The following SMARCA2 variants were observed in gnomAD, a reference collection of about 807,000 sequenced individuals.
SMARCA2 encodes SWI/SNF related BAF chromatin remodeling complex subunit ATPase 2.
In SMARCA2, 61 loss-of-function variants were observed where a neutral mutation model predicts 199.8. The ratio of observed to expected loss-of-function variants is 0.31; its 90% CI spans 0.25 to 0.38. The LOEUF (loss-of-function observed/expected upper bound fraction) is 0.38, where lower values mean the gene tolerates loss of function less well. Among genes scored for constraint, SMARCA2 ranks in the 10% least tolerant of loss-of-function variants. The pLI is 1.00. For missense variants in SMARCA2, 1,344 were observed against 2,012.2 expected, an observed-to-expected ratio of 0.67 and a Z score of 6.35; for synonymous variants, 935 against 732.0, an observed-to-expected ratio of 1.28 and a Z score of -4.48.
Position 2,187,965 on chromosome 9 carries a change from G to T in SMARCA2, c.4594+1737G>T, listed in dbSNP as rs574803982. Among the ~76,000 whole-genome samples the T allele has an allele frequency of 3.3e-5, 5 of 151,580 alleles. No homozygotes were observed. In the South Asian group the frequency reaches 1.0e-3, roughly 32 times the overall value. On this transcript the variant is annotated intron_variant, in intron 32 of 33. Coordinates refer to ENST00000349721, the MANE Select transcript of SMARCA2 (RefSeq NM_003070.5). ...TGTTTTTATAAACAAATTTATGTGTGGAAAAAAAGGTAACGTCTCAAAATA... is the reference window on the plus strand; with the variant it reads ...TGTTTTTATAAACAAATTTATGTGTTGAAAAAAAGGTAACGTCTCAAAATA...
At chr9:2,181,725 G>C in intron 30 of SMARCA2, 49 bp downstream of exon 30, 3 of 988,428 alleles carry the variant, frequency 3.0e-6, no homozygotes, top group Non-Finnish European at 4.9e-6. Flanking sequence ...TAAAGGAGCA[G>C]TGTAAAGTCA....
In SMARCA2 at chr9:2,041,448, C is replaced by A. The variant is rs139873240; in HGVS notation, c.790+1548C>A. ...CTGTGTCCTCACATGGCAGAAGAGA[C>A]AAGGCAGCTCTCTGGAGCCTCTTTT... On this transcript the variant is annotated intron_variant, in intron 4 of 33. Transcript: ENST00000349721. The A allele has an allele frequency of 2.4e-4, 96 of 398,550 alleles. 1 individual carries two copies. The East Asian group carries it at 3.3e-3, about 14-fold the overall frequency. The allele number at this position is 398,550 out of a possible 1,614,324, so 24.7% of individuals were successfully genotyped here.
intron 28 of SMARCA2, among the ~76,000 whole-genome samples, chr9:2,164,821 C>T (rs1031912458): frequency 2.0e-5 from 3 of 152,146 alleles, no homozygotes; most frequent in African/African-American, 7.2e-5. Flanking sequence ...TAAAAAGTGT[C>T]CTGGTAAGAC....
chr9:2,164,713 A>T (rs1225603313), intron 28 of SMARCA2, among the ~76,000 whole-genome samples: 2 of 152,186 alleles, frequency 1.3e-5, no homozygotes, highest in Non-Finnish European at 1.5e-5. Context: ...CTTTAGTTGT[A>T]CTGTAGGTAA....
At chr9:2,030,197 T>C (rs1819001741) in intron 2 of SMARCA2, among the ~76,000 whole-genome samples, 1 of 152,118 alleles carries the variant, frequency 6.6e-6, no homozygotes, top group African/African-American at 2.4e-5. Context: ...GAGATAGAGA[T>C]ATATGTAAAA....
chr9:2,018,751 A>T (rs1818472105), intron 1 of SMARCA2, among the ~76,000 whole-genome samples: 1 of 152,250 alleles, frequency 6.6e-6, no homozygotes, highest in African/African-American at 2.4e-5. Flanking sequence ...GAACCCTAAT[A>T]ATAATTTAAA....
intron 8 of SMARCA2, 39 bp downstream of exon 8, chr9:2,058,503 C>G: frequency 1.3e-6 from 2 of 1,559,210 alleles, no homozygotes; most frequent in South Asian, 2.2e-5. Context: ...AACTACTCAA[C>G]CCACGTCCGT....
At chr9:2,125,999 A>G (rs1421906354) in intron 27 of SMARCA2, among the ~76,000 whole-genome samples, 1 of 152,200 alleles carries the variant, frequency 6.6e-6, no homozygotes, top group Admixed American at 6.5e-5. Flanking sequence ...TTCAGTTTCT[A>G]TCCCTGATGA....
intron 4 of SMARCA2, chr9:2,041,727 C>G (rs910916344): frequency 3.8e-6 from 1 of 262,864 alleles, no homozygotes; most frequent in African/African-American, 2.2e-5. Flanking sequence ...GATTTGGGAA[C>G]AGGAAAGGTT....
chr9:2,186,472 GGCT>G (rs1393214851), intron 32 of SMARCA2, among the ~76,000 whole-genome samples: 14 of 152,150 alleles, frequency 9.2e-5, no homozygotes, highest in African/African-American at 3.4e-4. Flanking sequence ...GCATAGGCTG[GGCT>G]CCTAGCAAAC....
rs1188328301 is a variant in SMARCA2, at chr9:2,191,484, C to T, written c.4737+76C>T. ...GCTGGCCTCTTGCATTTCCATGCCC[C>T]TTCAGCCTTTTCGCTTTATTACCCA... On this transcript the variant is annotated intron_variant, in intron 33 of 33. Coordinates refer to ENST00000349721, the MANE Select transcript of SMARCA2 (RefSeq NM_003070.5). The T allele has an allele frequency of 1.6e-5, 25 of 1,516,636 alleles. No individual in the cohort carries two copies. The East Asian group carries it at 2.3e-4, about 14-fold the overall frequency. The allele number at this position is 1,516,636 out of a possible 1,614,324, so 93.9% of individuals were successfully genotyped here. A position where few individuals can be genotyped will look rare whatever the true frequency, so the allele number is the denominator to read the frequency against.
intron 4 of SMARCA2, chr9:2,042,196 C>T (rs989992323): frequency 7.9e-5 from 12 of 152,168 alleles, no homozygotes; most frequent in African/African-American, 2.9e-4. Context: ...ATCTTTATAT[C>T]CCATGTCTCA....
intron 27 of SMARCA2, among the ~76,000 whole-genome samples, chr9:2,134,196 T>G (rs1044941355): frequency 3.9e-5 from 6 of 152,126 alleles, no homozygotes; most frequent in South Asian, 2.1e-4. Context: ...AAGAGAAAGG[T>G]AAAATTGGGA....
At chr9:2,174,744 A>C (rs1291799340) in intron 29 of SMARCA2, among the ~76,000 whole-genome samples, 1 of 151,830 alleles carries the variant, frequency 6.6e-6, no homozygotes, top group African/African-American at 2.4e-5. Context: ...AAGATGGTGG[A>C]AGCCTGTCTC....
chr9:2,082,698 T>C (rs899358089), intron 15 of SMARCA2, among the ~76,000 whole-genome samples: 1 of 152,212 alleles, frequency 6.6e-6, no homozygotes, highest in Non-Finnish European at 1.5e-5. Context: ...TTGTTATAGA[T>C]CTCAATGCTG....
chr9:2,171,642 C>T (rs1826252997), intron 29 of SMARCA2, among the ~76,000 whole-genome samples: 1 of 152,204 alleles, frequency 6.6e-6, no homozygotes, highest in Non-Finnish European at 1.5e-5. Context: ...AGAAAGAACT[C>T]AGTCTGGATT....
intron 9 of SMARCA2, among the ~76,000 whole-genome samples, chr9:2,066,930 T>A (rs1366074064): frequency 2.6e-5 from 4 of 152,156 alleles, no homozygotes; most frequent in African/African-American, 9.7e-5. Context: ...AAGGGACAGT[T>A]GTGTTTGTTT....
chr9:2,154,547 T>C (rs1207657507), intron 27 of SMARCA2, among the ~76,000 whole-genome samples: 1 of 152,164 alleles, frequency 6.6e-6, no homozygotes, highest in Non-Finnish European at 1.5e-5. Context: ...CCACGATGGG[T>C]GTAGTGACCT....
chr9:2,136,786 A>G (rs1480789414), intron 27 of SMARCA2, among the ~76,000 whole-genome samples: 1 of 152,194 alleles, frequency 6.6e-6, no homozygotes, highest in Non-Finnish European at 1.5e-5. Flanking sequence ...GGAAATTGAT[A>G]GAGATTAAAA....
Sources: allele counts gnomAD v4.1 joint callset (sites outside exome capture counted in the v4.1 genomes callset), GRCh38; gene constraint gnomAD v4.1.1; transcripts MANE v1.5; gene names NCBI Gene and HGNC (gene_info 2026-07-23, HGNC 2026-07-21).